ROR1: variants seen among roughly 807,000 people sequenced by gnomAD.
The protein encoded by ROR1 is ROR family WNT receptor 1.
ROR1 carries 19 observed loss-of-function variants against 78.8 expected under a neutral mutation model. That is an observed-to-expected ratio of 0.24 (90% CI 0.17 to 0.35). The LOEUF (loss-of-function observed/expected upper bound fraction) is 0.35. ROR1 is among the 10% of genes least tolerant of loss of function. The probability of loss-of-function intolerance (pLI) is 1.00; values close to 1 mark genes in which losing one functional copy is unlikely to be tolerated. For missense variants in ROR1, 917 were observed against 1,177.8 expected, an observed-to-expected ratio of 0.78 and a Z score of 3.24; for synonymous variants, 386 against 433.6, an observed-to-expected ratio of 0.89 and a Z score of 1.36.
chr1:64,016,851 C>T (rs12064183), intron 2 of ROR1, among the ~76,000 whole-genome samples: 1 of 151,524 alleles, frequency 6.6e-6, no homozygotes, highest in Admixed American at 6.6e-5. Flanking sequence ...CAAGCAATAT[C>T]TGGAGTAATT....
At chr1:63,794,955 A>T (rs186945430) in intron 1 of ROR1, among the ~76,000 whole-genome samples, 4 of 152,144 alleles carry the variant, frequency 2.6e-5, no homozygotes, top group African/African-American at 9.6e-5. Context: ...GAGGAATTAG[A>T]ATTTGTTTTG....
Position 64,178,023 on chromosome 1 carries a change from C to T in ROR1, c.1982C>T (p.Pro661Leu), listed in dbSNP as rs747494785. Reference sequence around the variant, plus strand: ...TTGCTGCCCATTCGCTGGATGCCCCCTGAAGCCATCATGTATGGCAAATTC... The same window carrying T: ...TTGCTGCCCATTCGCTGGATGCCCCTTGAAGCCATCATGTATGGCAAATTC... ...KSLLPIRWMP[P>L]EAIMYGKFSS... Residue 661 changes from proline (P) to leucine (L), a missense_variant, in exon 9 of 9, where the codon CCT becomes CTT. Pro to Leu is a moderately conservative substitution (Grantham distance 98, BLOSUM62 -3). This residue lies in a region of ROR1 where 835 missense variants were observed against 1,069.8 expected (regional missense o/e 0.78). Coordinates refer to ENST00000371079, the MANE Select transcript of ROR1 (RefSeq NM_005012.4). This position sits in a 1 kb window ranked among gnomAD's most constrained non-coding sequence, Gnocchi z 4.3. 20 of 1,614,084 alleles carry T rather than the reference C, an allele frequency of 1.2e-5. No homozygotes were observed. The highest frequency in any genetic ancestry group is 1.7e-5 in the Non-Finnish European group (20 of 1,180,040).
intron 1 of ROR1, among the ~76,000 whole-genome samples, chr1:63,923,057 C>T (rs1288230206): frequency 6.6e-6 from 1 of 152,156 alleles, no homozygotes; most frequent in Non-Finnish European, 1.5e-5. Context: ...CTGTCACATC[C>T]CATCATGTCA....
At chr1:63,989,123 C>T (rs1474647965) in intron 1 of ROR1, among the ~76,000 whole-genome samples, 1 of 149,514 alleles carries the variant, frequency 6.7e-6, no homozygotes, top group Admixed American at 6.7e-5. Context: ...CATAAGCATT[C>T]CAGTTTCTCC....
intron 4 of ROR1, among the ~76,000 whole-genome samples, chr1:64,087,950 G>A (rs1431826408): frequency 6.6e-6 from 1 of 152,174 alleles, no homozygotes; most frequent in African/African-American, 2.4e-5. Context: ...CAGTACACTG[G>A]GTGGCCTGTG....
intron 7 of ROR1, among the ~76,000 whole-genome samples, chr1:64,155,323 A>G (rs1053934800): frequency 6.6e-6 from 1 of 152,246 alleles, no homozygotes; most frequent in African/African-American, 2.4e-5. Flanking sequence ...GAGCCAGCAG[A>G]GACTGAATCC....
chr1:63,811,657 G>T (rs143336106), intron 1 of ROR1, among the ~76,000 whole-genome samples: 4 of 152,210 alleles, frequency 2.6e-5, no homozygotes, highest in Middle Eastern at 3.4e-3. Flanking sequence ...AGTAAGTAAG[G>T]TTCTGCTAGT....
chr1:64,065,154 T>G (rs1254211685), intron 4 of ROR1, among the ~76,000 whole-genome samples: 1 of 152,216 alleles, frequency 6.6e-6, no homozygotes, highest in Non-Finnish European at 1.5e-5. Flanking sequence ...AAACACTTAC[T>G]AAGTGCTACT....
At chr1:63,941,031 G>T (rs545050631) in intron 1 of ROR1, among the ~76,000 whole-genome samples, 1 of 152,116 alleles carries the variant, frequency 6.6e-6, no homozygotes, top group Non-Finnish European at 1.5e-5. Context: ...TCCTGTATTT[G>T]TCATAGGCCA....
chr1:64,140,543 A>G (rs1380297598), intron 6 of ROR1, 117 bp downstream of exon 6: 7 of 915,404 alleles, frequency 7.6e-6, no homozygotes, highest in South Asian at 1.7e-5. Flanking sequence ...TTATTTTCCA[A>G]TGGGCTGAGT....
chr1:64,037,362 A>G (rs965284431), intron 2 of ROR1, among the ~76,000 whole-genome samples: 1 of 152,202 alleles, frequency 6.6e-6, no homozygotes, highest in African/African-American at 2.4e-5. Context: ...TGATTTTCAG[A>G]CAACTGATAG....
rs1290963508 is a variant in ROR1 at position 63,959,390 on chromosome 1, C to T, written c.92-49915C>T. Among the ~76,000 whole-genome samples, 6 of 152,240 alleles carry T rather than the reference C, an allele frequency of 3.9e-5. No individual in the cohort carries two copies. In the East Asian group the frequency reaches 1.2e-3, roughly 29 times the overall value. On this transcript the variant is annotated intron_variant, in intron 1 of 8. Coordinates refer to ENST00000371079, the MANE Select transcript of ROR1 (RefSeq NM_005012.4). ...TGGGTAGACAGCTAGCAGTAACTGT[C>T]TCTTGTGATTTGATCCATGGTTTGG...
intron 1 of ROR1, among the ~76,000 whole-genome samples, chr1:63,931,809 G>A (rs976167598): frequency 3.3e-5 from 5 of 152,202 alleles, no homozygotes; most frequent in African/African-American, 1.2e-4. Flanking sequence ...AAGTGCAAGA[G>A]TAGTGATGCT....
intron 1 of ROR1, among the ~76,000 whole-genome samples, chr1:63,851,168 C>A (rs150862635): frequency 0.012 from 1,791 of 152,116 alleles, 27 homozygotes; most frequent in Middle Eastern, 0.024. Flanking sequence ...TTAGTAGAGA[C>A]GGGGTTTCAC....
chr1:64,068,046 A>G (rs1646973236), intron 4 of ROR1, among the ~76,000 whole-genome samples: 1 of 152,214 alleles, frequency 6.6e-6, no homozygotes, highest in Non-Finnish European at 1.5e-5. Flanking sequence ...ATAAATTGAA[A>G]AGCAACACTG....
At chr1:63,993,359 G>A (rs563508002) in intron 1 of ROR1, among the ~76,000 whole-genome samples, 1 of 152,124 alleles carries the variant, frequency 6.6e-6, no homozygotes, top group Non-Finnish European at 1.5e-5. Flanking sequence ...TTTGCACATG[G>A]TATAGAATTT....
intron 1 of ROR1, among the ~76,000 whole-genome samples, chr1:63,834,619 G>A (rs185243097): frequency 6.6e-5 from 10 of 152,248 alleles, no homozygotes; most frequent in Admixed American, 6.5e-4. Context: ...TCTTAAAATG[G>A]ATTTTTCCAA....
chr1:63,897,126 C>T (rs1239093646), intron 1 of ROR1, among the ~76,000 whole-genome samples: 2 of 152,170 alleles, frequency 1.3e-5, no homozygotes, highest in Non-Finnish European at 2.9e-5. Flanking sequence ...GCCCTTTGGC[C>T]CTTTCACGTA....
chr1:64,059,212 T>C (rs537555195), intron 4 of ROR1, among the ~76,000 whole-genome samples: 2 of 152,306 alleles, frequency 1.3e-5, no homozygotes, highest in Admixed American at 1.3e-4. Flanking sequence ...TCAGACTAGC[T>C]AGTCTAACTA....
Sources: allele counts gnomAD v4.1 joint callset (sites outside exome capture counted in the v4.1 genomes callset), GRCh38; gene constraint gnomAD v4.1.1; regional missense constraint gnomAD v4.1.1; non-coding constraint Gnocchi (gnomAD v3.1); transcripts MANE v1.5; gene names NCBI Gene and HGNC (gene_info 2026-07-23, HGNC 2026-07-21).